Variants in TDRD3 observed in about 807,000 individuals in gnomAD.
TDRD3 encodes tudor domain-containing protein 3.
A neutral mutation model predicts 86.7 loss-of-function variants in TDRD3; 45 were observed. The observed-to-expected ratio is 0.52, with a 90% CI of 0.41 to 0.67. TDRD3 has a LOEUF of 0.67. Among genes scored for constraint, TDRD3 ranks in the 30% least tolerant of loss-of-function variants. The pLI is 0.00. For missense variants in TDRD3, 814 were observed against 889.0 expected (o/e 0.92, Z 1.07); for synonymous variants, 298 against 301.7 (o/e 0.99, Z 0.13).
In TDRD3 at chr13:60,504,589, A is replaced by G. The variant is rs1010224392; in HGVS notation, c.859-5174A>G. On this transcript the variant is annotated intron_variant, in intron 8 of 13. Coordinates refer to ENST00000377881, the MANE Select transcript of TDRD3 (RefSeq NM_001146070.2). ...CTTAAATATTAAAGTCACATGAACTAAAAAGCATTACAGCTTTTATCTTTC... is the reference window on the plus strand; with the variant it reads ...CTTAAATATTAAAGTCACATGAACTGAAAAGCATTACAGCTTTTATCTTTC... 2.6e-5 allele frequency among the ~76,000 whole-genome samples: 4 copies of G among 152,272 alleles called. No individual in the cohort carries two copies. In the East Asian group the frequency reaches 7.7e-4, roughly 29 times the overall value.
At chr13:60,462,671 T>TTTA (rs564814817) in intron 4 of TDRD3, among the ~76,000 whole-genome samples, 1,779 of 151,792 alleles carry the variant, frequency 0.012, 43 homozygotes, top group African/African-American at 0.039. Context: ...CTTGCTAGTT[T>TTTA]TTATTATTAT....
chr13:60,538,255 C>T (rs540186089), intron 12 of TDRD3, among the ~76,000 whole-genome samples: 2 of 151,884 alleles, frequency 1.3e-5, no homozygotes, highest in African/African-American at 4.8e-5. Context: ...ATGTTGTGGT[C>T]TTTGAGTACA....
At chr13:60,521,639 T>C (rs1488021026) in intron 10 of TDRD3, among the ~76,000 whole-genome samples, 1 of 152,128 alleles carries the variant, frequency 6.6e-6, no homozygotes, top group African/African-American at 2.4e-5. Flanking sequence ...CTCACGCCTG[T>C]AATCCCAGCA....
intron 8 of TDRD3, among the ~76,000 whole-genome samples, chr13:60,501,075 C>T (rs1013928308): frequency 1.3e-5 from 2 of 152,120 alleles, no homozygotes; most frequent in Admixed American, 6.5e-5. Flanking sequence ...CCTGTTGGCA[C>T]GTTGATTATA....
chr13:60,488,936 T>C (rs1956516024), intron 7 of TDRD3, among the ~76,000 whole-genome samples: 1 of 152,202 alleles, frequency 6.6e-6, no homozygotes, highest in Non-Finnish European at 1.5e-5. Flanking sequence ...TTATGTTCCT[T>C]ATATATTCTA....
At chr13:60,497,469 T>C (rs1239034191) in intron 8 of TDRD3, among the ~76,000 whole-genome samples, 1 of 152,204 alleles carries the variant, frequency 6.6e-6, no homozygotes, top group Non-Finnish European at 1.5e-5. Context: ...AGCTCCGTGT[T>C]TAAAGGTGGG....
rs112953696 is a variant in TDRD3, at chr13:60,504,037, T to C, written c.859-5726T>C. Among the ~76,000 whole-genome samples the C allele has an allele frequency of 2.4e-4, 37 of 152,372 alleles. 1 individual carries two copies. The highest frequency in any genetic ancestry group is 8.9e-4 in the African/African-American group (37 of 41,594). On this transcript the variant is annotated intron_variant, in intron 8 of 13. Coordinates refer to ENST00000377881, the MANE Select transcript of TDRD3 (RefSeq NM_001146070.2). ...ATGCTCAATTTATGAAAAGATCATATACTTTTTTGAATTTAGTTAATGTTT... is the reference window on the plus strand; with the variant it reads ...ATGCTCAATTTATGAAAAGATCATACACTTTTTTGAATTTAGTTAATGTTT...
At chr13:60,557,095 AC>A (rs1566302809) in intron 12 of TDRD3, among the ~76,000 whole-genome samples, 2 of 151,130 alleles carry the variant, frequency 1.3e-5, no homozygotes, top group Non-Finnish European at 2.9e-5. Flanking sequence ...AATCCCAGCT[AC>A]TCTGGAGGCT....
Position 60,401,815 on chromosome 13 carries a change from C to T in TDRD3, c.41+4410C>T, listed in dbSNP as rs553987597. 3.3e-4 allele frequency among the ~76,000 whole-genome samples: 51 copies of T among 152,350 alleles called. 1 individual carries two copies. The highest frequency in any genetic ancestry group is 3.1e-3 in the East Asian group (16 of 5,192). On this transcript the variant is annotated intron_variant, in intron 1 of 13. Coordinates refer to ENST00000377881, the MANE Select transcript of TDRD3 (RefSeq NM_001146070.2). ...GGTGCTATCACCATGCTAACATCCT[C>T]TGGCCCAAGTGCATACATAACTCCT...
intron 2 of TDRD3, among the ~76,000 whole-genome samples, chr13:60,440,115 A>T (rs1594936103): frequency 6.6e-6 from 1 of 152,194 alleles, no homozygotes; most frequent in African/African-American, 2.4e-5. Context: ...ATTTACATAG[A>T]AACTCTAGCT....
chr13:60,424,779 A>G (rs1341028484), intron 1 of TDRD3, among the ~76,000 whole-genome samples: 1 of 152,222 alleles, frequency 6.6e-6, no homozygotes, highest in African/African-American at 2.4e-5. Flanking sequence ...TTAACCCGAT[A>G]TGCATTGGCA....
At chr13:60,432,371 A>T (rs1954974793) in intron 1 of TDRD3, among the ~76,000 whole-genome samples, 1 of 152,076 alleles carries the variant, frequency 6.6e-6, no homozygotes, top group Non-Finnish European at 1.5e-5. Context: ...TCTTACTAGC[A>T]TTTTTACCTT....
At chr13:60,554,490 A>G (rs542464689) in intron 12 of TDRD3, among the ~76,000 whole-genome samples, 2 of 152,178 alleles carry the variant, frequency 1.3e-5, no homozygotes, top group African/African-American at 2.4e-5. Flanking sequence ...CGGAGGATCT[A>G]TTTGCTCTAC....
intron 1 of TDRD3, among the ~76,000 whole-genome samples, chr13:60,404,562 G>A (rs1181526304): frequency 1.3e-5 from 2 of 151,484 alleles, no homozygotes; most frequent in African/African-American, 4.8e-5. Flanking sequence ...CGCCCGCCTC[G>A]GCCTCCCAAA....
At chr13:60,448,054 C>G (rs1955448603) in intron 3 of TDRD3, among the ~76,000 whole-genome samples, 1 of 151,998 alleles carries the variant, frequency 6.6e-6, no homozygotes, top group South Asian at 2.1e-4. Context: ...AGAGACGAGT[C>G]TTCAAACTTC....
chr13:60,480,834 G>A (rs557659239), intron 5 of TDRD3, among the ~76,000 whole-genome samples: 1 of 152,176 alleles, frequency 6.6e-6, no homozygotes, highest in African/African-American at 2.4e-5. Context: ...AAGCGAGGGG[G>A]CCACATGCAG....
intron 1 of TDRD3, among the ~76,000 whole-genome samples, chr13:60,405,488 C>T (rs1264076882): frequency 1.3e-5 from 2 of 151,818 alleles, no homozygotes; most frequent in Admixed American, 1.3e-4. Flanking sequence ...AAGGGGAGTT[C>T]GTGTTTTCAT....
At chr13:60,547,570 C>G (rs1017686577) in intron 12 of TDRD3, 10 of 190,652 alleles carry the variant, frequency 5.2e-5, no homozygotes, top group Non-Finnish European at 2.9e-5. Context: ...TAAATGTGCT[C>G]TATAACCTCC....
At position 60,467,358 on chromosome 13, in the gene TDRD3, T is replaced by A; in HGVS notation, c.474T>A (p.Ile158=). The change falls in exon 5 of 14, where the codon ATT becomes ATA. Residue 158 remains isoleucine, a synonymous_variant. Transcript: ENST00000377881. ...TVLGGEVEHL[I]EKWELQRSLS... ...TTGGTGGTGAAGTGGAACACCTTAT[T>A]GAGAAATGGGAGTTACAGAGAGTAA... 6.2e-7 allele frequency: 1 copy of A among 1,613,776 alleles called. No individual in the cohort carries two copies. The highest frequency in any genetic ancestry group is 8.5e-7 in the Non-Finnish European group (1 of 1,179,832).
Sources: gnomAD v4.1 joint callset for allele counts (sites outside exome capture counted in the v4.1 genomes callset) on GRCh38, gnomAD v4.1.1 for gene constraint, MANE v1.5 for transcripts, NCBI Gene and HGNC (gene_info 2026-07-23, HGNC 2026-07-21) for gene names.